RNF123: variants seen among roughly 807,000 people sequenced by gnomAD.
RNF123 encodes ring finger protein 123.
In RNF123, 86 loss-of-function variants were observed where a neutral mutation model predicts 168.5. That is an observed-to-expected ratio of 0.51 (90% CI 0.43 to 0.61). The LOEUF (loss-of-function observed/expected upper bound fraction) is 0.61. Ranked by LOEUF, RNF123 falls within the 20% of genes least tolerant of loss-of-function variation. The pLI is 0.00. For missense variants in RNF123, 1,419 were observed against 1,729.7 expected (o/e 0.82, Z 3.19); for synonymous variants, 666 against 689.1 (o/e 0.97, Z 0.52).
intron 28 of RNF123, 49 bp from the exon 29 acceptor site, chr3:49,713,689 G>C: frequency 6.4e-7 from 1 of 1,572,274 alleles, no homozygotes; most frequent in Non-Finnish European, 8.6e-7. Context: ...TGAAGTATGG[G>C]TCCAGGGCTC....
At position 49,699,641 on chromosome 3, in the gene RNF123, A is replaced by T; in HGVS notation, c.880-27A>T. 6.2e-7 allele frequency: 1 copy of T among 1,613,050 alleles called. No homozygotes were observed. Among genetic ancestry groups the T allele is most frequent in the Admixed American group, 1.7e-5 (1 of 59,990 alleles). On this transcript the variant is annotated intron_variant, in intron 11 of 38. Coordinates refer to ENST00000327697, the MANE Select transcript of RNF123 (RefSeq NM_022064.5). The surrounding 1 kb of genome is among the most constrained non-coding windows in gnomAD (Gnocchi z 4.8). The stretch of plus-strand genomic sequence containing the variant: ...GCTTCCACAGCCTCCTGCCCCTCAC[A>T]CTTCTCCCTCCTCCCCCTCCACACA...
intron 35 of RNF123, chr3:49,718,678 AAGC>A: frequency 6.2e-7 from 1 of 1,613,010 alleles, no homozygotes; most frequent in Non-Finnish European, 8.5e-7. Flanking sequence ...GTGCTGGAAG[AAGC>A]GCACGCGGGA....
rs2108209182 is a variant in RNF123 at position 49,721,123 on chromosome 3, C to T, written c.3824+18C>T. ...TCCTGCAAGTAAGTGGGCCCCACAG[C>T]TTGGTGGTGGGGAGAGCAGTAGGTA... On this transcript the variant is annotated intron_variant, in intron 38 of 38. Coordinates refer to ENST00000327697, the MANE Select transcript of RNF123 (RefSeq NM_022064.5). 6.2e-7 allele frequency: 1 copy of T among 1,613,876 alleles called. No homozygotes were observed. Among genetic ancestry groups the T allele is most frequent in the South Asian group, 1.1e-5 (1 of 91,056 alleles).
At chr3:49,695,159 A>G (rs1415200794) in intron 3 of RNF123, among the ~76,000 whole-genome samples, 2 of 152,122 alleles carry the variant, frequency 1.3e-5, no homozygotes, top group Non-Finnish European at 2.9e-5. Context: ...GGGTCTCGCT[A>G]TGTCACAGTC....
rs762689083 is a variant in RNF123 at position 49,713,598 on chromosome 3, C to T, written c.2749+11C>T. The T allele has an allele frequency of 4.3e-6, 7 of 1,610,424 alleles. No individual in the cohort carries two copies. The highest frequency in any genetic ancestry group is 1.7e-4 in the Middle Eastern group (1 of 6,058). Reference sequence around the variant, plus strand: ...GCATTGTGGGCACTGGTGAGGGGCCCCTACAGAGGGTACAGGGGGAGGGGG... The same window carrying T: ...GCATTGTGGGCACTGGTGAGGGGCCTCTACAGAGGGTACAGGGGGAGGGGG... On this transcript the variant is annotated intron_variant, in intron 28 of 38. Transcript: ENST00000327697.
rs376660864 is a variant in RNF123, at chr3:49,713,572, C to T, written c.2734C>T (p.Arg912Cys). 7.4e-6 allele frequency: 12 copies of T among 1,612,456 alleles called. No individual in the cohort carries two copies. Among genetic ancestry groups the T allele is most frequent in the African/African-American group, 2.7e-5 (2 of 75,034 alleles). The stretch of plus-strand genomic sequence containing the variant: ...TCTCGCCAAACACTTTGCCGACGCA[C>T]GCATTGTGGGCACTGGTGAGGGGCC... ...AILAKHFADARIVGTDIRDSL... is the reference protein window; with the variant it reads ...AILAKHFADACIVGTDIRDSL... Residue 912 changes from arginine to cysteine, a missense_variant, in exon 28 of 39, where the codon CGC becomes TGC. Physicochemically the swap from Arg to Cys is radical, Grantham distance 180. This residue lies in a region of RNF123 where 538 missense variants were observed against 708.8 expected (regional missense o/e 0.76). Coordinates refer to ENST00000327697, the MANE Select transcript of RNF123 (RefSeq NM_022064.5).
At chr3:49,700,399 TG>T in intron 13 of RNF123, 47 bp downstream of exon 13, 1 of 1,612,866 alleles carries the variant, frequency 6.2e-7, no homozygotes, top group Non-Finnish European at 8.5e-7. Flanking sequence ...CAGTCTTCAC[TG>T]GGGTCGGGAA....
chr3:49,720,841 C>G lies in RNF123; in HGVS notation c.3685C>G (p.Gln1229Glu). ...TGCCGATGAGCTGGCCCAAGTGGAACAGATGCTGGCGCACCTGACCTCTGC... is the reference window on the plus strand; with the variant it reads ...TGCCGATGAGCTGGCCCAAGTGGAAGAGATGCTGGCGCACCTGACCTCTGC... ...ISADELAQVE[Q>E]MLAHLTSASA... The change falls in exon 37 of 39, where the codon CAG becomes GAG. Residue 1229 changes from glutamine (Q) to glutamate (E), a missense_variant. By Grantham distance (29) the Gln-to-Glu change is conservative. Coordinates refer to ENST00000327697, the MANE Select transcript of RNF123 (RefSeq NM_022064.5). 1.2e-6 allele frequency: 2 copies of G among 1,614,202 alleles called. No individual in the cohort carries two copies. Among genetic ancestry groups the G allele is most frequent in the South Asian group, 2.2e-5 (2 of 91,084 alleles).
At position 49,697,415 on chromosome 3, in the gene RNF123, C is replaced by A. The variant is rs144756619; in HGVS notation, c.300C>A (p.Gly100=). 9.3e-6 allele frequency: 15 copies of A among 1,610,772 alleles called. No homozygotes were observed. The highest frequency in any genetic ancestry group is 1.2e-5 in the Non-Finnish European group (14 of 1,178,296). The change falls in exon 5 of 39, where the codon GGC becomes GGA. Residue 100 remains glycine, a synonymous_variant. Coordinates refer to ENST00000327697, the MANE Select transcript of RNF123 (RefSeq NM_022064.5). Reference sequence around the variant, plus strand: ...CCACTGTGGTCCTGGACCACACAGGCGGCTTTGAGGGGCTTCTCCTGGTGG... The same window carrying A: ...CCACTGTGGTCCTGGACCACACAGGAGGCTTTGAGGGGCTTCTCCTGGTGG... ...GPSTVVLDHT[G]GFEGLLLVDD...
chr3:49,705,429 C>T, intron 23 of RNF123, 105 bp from the exon 24 acceptor site: 3 of 1,492,316 alleles, frequency 2.0e-6, no homozygotes, highest in South Asian at 1.4e-5. Context: ...GCGGGTCCCT[C>T]CTTGGGCACA....
chr3:49,693,681 C>G (rs1335970379), intron 3 of RNF123, among the ~76,000 whole-genome samples: 2 of 152,110 alleles, frequency 1.3e-5, no homozygotes, highest in African/African-American at 4.8e-5. Flanking sequence ...TGAGGAACCT[C>G]CAAACTGTTC....
intron 35 of RNF123, chr3:49,718,314 G>A (rs779549537): frequency 3.1e-6 from 5 of 1,613,326 alleles, no homozygotes; most frequent in South Asian, 1.1e-5. Context: ...GTGTGGTGAA[G>A]CCTGTGTTGA....
At chr3:49,702,596 C>T in intron 19 of RNF123, 37 bp from the exon 20 acceptor site, 1 of 1,614,216 alleles carries the variant, frequency 6.2e-7, no homozygotes, top group Non-Finnish European at 8.5e-7. Flanking sequence ...AGGCACTGGA[C>T]TGGCACCAAT....
chr3:49,703,561 T>G (rs757099178), intron 21 of RNF123, 33 bp downstream of exon 21: 1 of 1,547,334 alleles, frequency 6.5e-7, no homozygotes, highest in South Asian at 1.1e-5. Context: ...GGAGCAGTTC[T>G]GGGGCCAGGT....
intron 3 of RNF123, among the ~76,000 whole-genome samples, chr3:49,695,616 A>G (rs531015622): frequency 6.6e-6 from 1 of 152,292 alleles, no homozygotes; most frequent in East Asian, 1.9e-4. Flanking sequence ...GGAATATGTG[A>G]TCCCTGAGCC....
chr3:49,708,498 C>A (rs1408953874), intron 26 of RNF123, among the ~76,000 whole-genome samples: 1 of 143,958 alleles, frequency 6.9e-6, no homozygotes, highest in Admixed American at 6.8e-5. Flanking sequence ...CTCTGGCCAG[C>A]GGCTCACAGA....
At position 49,721,417 on chromosome 3, in the gene RNF123, A is replaced by ACCTC. The variant is rs765696296; in HGVS notation, c.*114_*117dup. The ACCTC allele has an allele frequency of 3.6e-6, 5 of 1,386,440 alleles. No individual in the cohort carries two copies. The highest frequency in any genetic ancestry group is 5.1e-6 in the Non-Finnish European group (5 of 976,432). The allele number at this position is 1,386,440 out of a possible 1,614,324, so 85.9% of individuals were successfully genotyped here. On this transcript the variant is annotated 3_prime_UTR_variant, in exon 39 of 39. Transcript: ENST00000327697. ...CCTGTATCCCACACCACCACATCCA[A>ACCTC]CCTCCTTGCCTGCCTGTATCCTCAT...
chr3:49,710,830 A>G (rs1291107983), intron 26 of RNF123, among the ~76,000 whole-genome samples: 4 of 152,166 alleles, frequency 2.6e-5, no homozygotes, highest in Non-Finnish European at 4.4e-5. Context: ...GGGAGGGATT[A>G]TAGTCTGTTA....
chr3:49,719,078 C>T lies in RNF123; in HGVS notation c.3501-1433C>T, dbSNP rs35926560. ...AGCTTCTCCAGCGCCCCCAGCCCGT[C>T]GAGGTCGTGGCGGCCAAGCGCCCGC... On this transcript the variant is annotated intron_variant, in intron 35 of 38. Transcript: ENST00000327697. The T allele has an allele frequency of 1.8e-3, 2,863 of 1,613,782 alleles. 45 individuals are homozygous for T. In the African/African-American group the frequency reaches 0.033, roughly 18 times the overall value.
Sources: gnomAD v4.1 joint callset for allele counts (sites outside exome capture counted in the v4.1 genomes callset) on GRCh38, gnomAD v4.1.1 for gene constraint, gnomAD v4.1.1 regional missense constraint, Gnocchi (gnomAD v3.1) non-coding constraint, MANE v1.5 for transcripts, NCBI Gene and HGNC (gene_info 2026-07-23, HGNC 2026-07-21) for gene names.